ZBTB16: variants seen among roughly 807,000 people sequenced by gnomAD.
ZBTB16 encodes zinc finger and BTB domain-containing protein 16.
In ZBTB16, 8 loss-of-function variants were observed where a neutral mutation model predicts 56.8. The ratio of observed to expected loss-of-function variants is 0.14; its 90% CI spans 0.08 to 0.25. ZBTB16 has a LOEUF of 0.25. Among genes scored for constraint, ZBTB16 ranks in the 10% least tolerant of loss-of-function variants. The probability of loss-of-function intolerance (pLI) is 1.00; values close to 1 mark genes in which losing one functional copy is unlikely to be tolerated. For synonymous variants in ZBTB16, 363 were observed against 368.5 expected (o/e 0.98, Z 0.17); for missense variants, 625 against 903.0 (o/e 0.69, Z 3.95).
rs531961720 is a variant in ZBTB16 at position 114,072,219 on chromosome 11, C to T, written c.1268+7651C>T. 2.6e-4 allele frequency among the ~76,000 whole-genome samples: 39 copies of T among 152,386 alleles called. 1 individual carries two copies. Among genetic ancestry groups the T allele is most frequent in the African/African-American group, 6.3e-4 (26 of 41,590 alleles). On this transcript the variant is annotated intron_variant, in intron 2 of 6. Transcript: ENST00000335953. Reference sequence around the variant, plus strand: ...GTACAGTGCTGTAAAACTGCTGCCTCGGGCACCTCATGTTTGGGGCTGAGA... The same window carrying T: ...GTACAGTGCTGTAAAACTGCTGCCTTGGGCACCTCATGTTTGGGGCTGAGA...
At chr11:114,080,197 A>C (rs1281015450) in intron 2 of ZBTB16, among the ~76,000 whole-genome samples, 1 of 151,250 alleles carries the variant, frequency 6.6e-6, no homozygotes, top group South Asian at 2.1e-4. Flanking sequence ...TGTGTGTTCA[A>C]ATCTTAGCCT....
intron 2 of ZBTB16, among the ~76,000 whole-genome samples, chr11:114,138,956 G>A (rs1591705724): frequency 6.6e-6 from 1 of 152,174 alleles, no homozygotes; most frequent in East Asian, 1.9e-4. Flanking sequence ...CTCCCAAAGC[G>A]CTGGGATTAC....
chr11:114,097,962 C>T (rs1940477249), intron 2 of ZBTB16, among the ~76,000 whole-genome samples: 1 of 152,168 alleles, frequency 6.6e-6, no homozygotes, highest in Admixed American at 6.5e-5. Flanking sequence ...AGAGATGTTT[C>T]TGCTTTTAGA....
intron 4 of ZBTB16, among the ~76,000 whole-genome samples, chr11:114,195,738 AG>A (rs1167220216): frequency 2.0e-5 from 3 of 152,214 alleles, no homozygotes; most frequent in Non-Finnish European, 4.4e-5. Flanking sequence ...GTAAGTGCTC[AG>A]GAAATGGAGG....
rs1298427548 is a variant in ZBTB16 at position 114,109,919 on chromosome 11, T to G, written c.1268+45351T>G. Among the ~76,000 whole-genome samples, 3 of 152,072 alleles carry G rather than the reference T, an allele frequency of 2.0e-5. No homozygotes were observed. The East Asian group carries it at 5.8e-4, about 29-fold the overall frequency. ...AGCAGCAAGGGAAACTGAAGTATGT[T>G]AGAAGAGCAGGACCGGAGGATAGAG... On this transcript the variant is annotated intron_variant, in intron 2 of 6. Coordinates refer to ENST00000335953, the MANE Select transcript of ZBTB16 (RefSeq NM_006006.6).
chr11:114,081,274 C>A (rs564735425), intron 2 of ZBTB16, among the ~76,000 whole-genome samples: 1 of 152,148 alleles, frequency 6.6e-6, no homozygotes, highest in Non-Finnish European at 1.5e-5. Flanking sequence ...TGCTGCTGAG[C>A]CTGAGCAGAC....
intron 3 of ZBTB16, among the ~76,000 whole-genome samples, chr11:114,186,195 G>A (rs928774054): frequency 6.6e-6 from 1 of 152,206 alleles, no homozygotes; most frequent in Non-Finnish European, 1.5e-5. Context: ...AGCTCCAACT[G>A]CACCATAGCA....
intron 2 of ZBTB16, among the ~76,000 whole-genome samples, chr11:114,142,250 A>G (rs1383253755): frequency 1.3e-5 from 2 of 152,114 alleles, no homozygotes; most frequent in East Asian, 1.9e-4. Flanking sequence ...GCAGCCGACA[A>G]CCTTCCTGTT....
At chr11:114,167,229 TTG>T (rs372555987) in intron 3 of ZBTB16, among the ~76,000 whole-genome samples, 82,468 of 100,238 alleles carry the variant, frequency 0.82, 32,986 homozygotes, top group South Asian at 0.91. Context: ...TTTTTTTTTT[TTG>T]GTTTTTTTTT....
chr11:114,215,986 C>G (rs1280287779), intron 4 of ZBTB16, among the ~76,000 whole-genome samples: 7 of 152,134 alleles, frequency 4.6e-5, no homozygotes, highest in Non-Finnish European at 1.0e-4. Context: ...TTGAACAGAG[C>G]AGACAGGGTA....
chr11:114,214,364 T>C (rs1944053301), intron 4 of ZBTB16, among the ~76,000 whole-genome samples: 1 of 152,238 alleles, frequency 6.6e-6, no homozygotes, highest in Non-Finnish European at 1.5e-5. Context: ...GAAAATGATA[T>C]TAATAACTGT....
At chr11:114,106,051 A>G (rs1940776502) in intron 2 of ZBTB16, among the ~76,000 whole-genome samples, 1 of 152,214 alleles carries the variant, frequency 6.6e-6, no homozygotes. Context: ...ATATTGCATA[A>G]TGCTTTTCTA....
intron 2 of ZBTB16, among the ~76,000 whole-genome samples, chr11:114,142,840 C>T (rs1014384176): frequency 1.3e-5 from 2 of 152,068 alleles, no homozygotes; most frequent in South Asian, 4.1e-4. Context: ...CACTCTGCCT[C>T]CTCCCCCATC....
chr11:114,133,627 C>G (rs150646595), intron 2 of ZBTB16, among the ~76,000 whole-genome samples: 88 of 152,212 alleles, frequency 5.8e-4, no homozygotes, highest in African/African-American at 2.1e-3. Context: ...CTTTAGTGAC[C>G]CCACGCATAA....
intron 4 of ZBTB16, among the ~76,000 whole-genome samples, chr11:114,216,041 G>A (rs1944087730): frequency 6.6e-6 from 1 of 152,156 alleles, no homozygotes; most frequent in Non-Finnish European, 1.5e-5. Flanking sequence ...TAAGGCTGTG[G>A]TTTCCATTTG....
chr11:114,205,233 C>T (rs1591780184), intron 4 of ZBTB16, among the ~76,000 whole-genome samples: 1 of 151,980 alleles, frequency 6.6e-6, no homozygotes, highest in Non-Finnish European at 1.5e-5. Flanking sequence ...CGTGGTGAAA[C>T]CCCGTCTCTA....
Position 114,253,659 on chromosome 11 carries a change from C to A in ZBTB16, c.*3104C>A, listed in dbSNP as rs989000072. ...TTCTGAGGGCTACTGTCTGGGGACA[C>A]CTCTGAACTTACTGTACCTTCCTCT... On this transcript the variant is annotated 3_prime_UTR_variant, in exon 7 of 7. Transcript: ENST00000335953. 1.3e-5 allele frequency among the ~76,000 whole-genome samples: 2 copies of A among 152,192 alleles called. No homozygotes were observed. Among genetic ancestry groups the A allele is most frequent in the Non-Finnish European group, 2.9e-5 (2 of 68,042 alleles).
At chr11:114,241,597 A>G (rs1415267279) in intron 4 of ZBTB16, among the ~76,000 whole-genome samples, 1 of 152,146 alleles carries the variant, frequency 6.6e-6, no homozygotes, top group Non-Finnish European at 1.5e-5. Flanking sequence ...CTTCCATGAA[A>G]CCAGTCCCTT....
chr11:114,076,635 C>T (rs1432841552), intron 2 of ZBTB16, among the ~76,000 whole-genome samples: 93 of 149,716 alleles, frequency 6.2e-4, no homozygotes, highest in Non-Finnish European at 1.3e-3. Context: ...CACCCCCACC[C>T]CCGCCCCCTT....
Sources: gnomAD v4.1 joint callset for allele counts (sites outside exome capture counted in the v4.1 genomes callset) on GRCh38, gnomAD v4.1.1 for gene constraint, MANE v1.5 for transcripts, NCBI Gene and HGNC (gene_info 2026-07-23, HGNC 2026-07-21) for gene names.